NEBL: variants seen among roughly 807,000 people sequenced by gnomAD.
NEBL encodes nebulette.
Under a neutral mutation model 140.2 loss-of-function variants are expected in NEBL, and 122 were observed. The observed-to-expected ratio is 0.87, with a 90% CI of 0.75 to 1.01. NEBL has a LOEUF of 1.01. NEBL is among the 50% of genes least tolerant of loss of function. The probability of loss-of-function intolerance (pLI) is 0.00; values close to 1 mark genes in which losing one functional copy is unlikely to be tolerated. For synonymous variants in NEBL, 436 were observed against 398.9 expected, an observed-to-expected ratio of 1.09 and a Z score of -1.11; for missense variants, 1,365 against 1,231.3, an observed-to-expected ratio of 1.11 and a Z score of -1.62.
At chr10:20,888,315 T>A in intron 3 of NEBL, 108 bp from the exon 4 acceptor site, 1 of 727,910 alleles carries the variant, frequency 1.4e-6, no homozygotes, top group Non-Finnish European at 2.4e-6. Context: ...GAATTGATTT[T>A]AAAATCTGCA....
intron 2 of NEBL, among the ~76,000 whole-genome samples, chr10:21,113,561 G>A (rs945657421): frequency 7.9e-5 from 12 of 152,200 alleles, no homozygotes; most frequent in Middle Eastern, 3.4e-3. Context: ...TGTAACAGAT[G>A]ATATCTGGCT....
chr10:20,852,131 TG>T (rs1842604547), intron 10 of NEBL, among the ~76,000 whole-genome samples: 1 of 152,186 alleles, frequency 6.6e-6, no homozygotes, highest in Non-Finnish European at 1.5e-5. Flanking sequence ...TTAGTCATAT[TG>T]TATTCCCTTT....
At chr10:21,267,219 G>T (rs974521283) in intron 1 of NEBL, among the ~76,000 whole-genome samples, 9 of 151,994 alleles carry the variant, frequency 5.9e-5, no homozygotes, top group African/African-American at 1.9e-4. Context: ...CAGGTGATCC[G>T]CCCACCTCGG....
intron 3 of NEBL, among the ~76,000 whole-genome samples, chr10:21,214,341 T>C (rs1284354638): frequency 6.6e-6 from 1 of 152,116 alleles, no homozygotes; most frequent in Non-Finnish European, 1.5e-5. Flanking sequence ...AAGACACTAG[T>C]AAGCCTTTAT....
chr10:20,928,391 G>A (rs1331054879), intron 4 of NEBL, among the ~76,000 whole-genome samples: 1 of 152,156 alleles, frequency 6.6e-6, no homozygotes, highest in Non-Finnish European at 1.5e-5. Flanking sequence ...ATTACTCTGG[G>A]TCAGGCTATG....
intron 3 of NEBL, among the ~76,000 whole-genome samples, chr10:21,211,527 G>A (rs186458784): frequency 6.6e-6 from 1 of 151,950 alleles, no homozygotes; most frequent in Admixed American, 6.6e-5. Flanking sequence ...TTTTTCTCCT[G>A]AGTTAGCTGA....
At chr10:21,198,609 T>C (rs974285868) in intron 3 of NEBL, among the ~76,000 whole-genome samples, 1 of 152,208 alleles carries the variant, frequency 6.6e-6, no homozygotes, top group Non-Finnish European at 1.5e-5. Context: ...AGAAATCCCT[T>C]GGCCATTCTT....
chr10:21,164,691 T>G (rs978982566), intron 2 of NEBL, among the ~76,000 whole-genome samples: 1 of 152,178 alleles, frequency 6.6e-6, no homozygotes, highest in African/African-American at 2.4e-5. Context: ...TTCCCTACAA[T>G]GACTTAAAAG....
upstream of NEBL, among the ~76,000 whole-genome samples, chr10:20,899,184 A>C (rs1588976816): frequency 1.3e-5 from 2 of 152,170 alleles, no homozygotes; most frequent in Admixed American, 1.3e-4. Flanking sequence ...GACTATTCTA[A>C]TATTCTATAG....
intron 2 of NEBL, chr10:21,020,330 CT>C: frequency 1.3e-6 from 1 of 762,216 alleles, no homozygotes; most frequent in Non-Finnish European, 2.3e-6. Context: ...CTGAGCTTGG[CT>C]AAGGTCATCT....
At chr10:20,937,903 C>T (rs1834590800) in intron 4 of NEBL, among the ~76,000 whole-genome samples, 1 of 152,188 alleles carries the variant, frequency 6.6e-6, no homozygotes, top group Non-Finnish European at 1.5e-5. Context: ...GGGGCGCCCG[C>T]CATTGCCCAG....
chr10:20,951,280 A>G (rs577578649), intron 4 of NEBL, among the ~76,000 whole-genome samples: 56 of 152,210 alleles, frequency 3.7e-4, no homozygotes, highest in African/African-American at 1.2e-3. Context: ...AAATTTAGAT[A>G]TCTTTGTGCA....
chr10:20,969,179 G>T (rs891137291), intron 3 of NEBL, among the ~76,000 whole-genome samples: 1 of 151,968 alleles, frequency 6.6e-6, no homozygotes, highest in African/African-American at 2.4e-5. Context: ...TTTTTTTAAG[G>T]TGAAGTTAAT....
intron 1 of NEBL, among the ~76,000 whole-genome samples, chr10:21,285,357 C>T (rs1363527035): frequency 1.3e-5 from 2 of 152,182 alleles, no homozygotes; most frequent in Non-Finnish European, 2.9e-5. Flanking sequence ...GAGATAGATG[C>T]ATATCTGATG....
chr10:21,134,442 T>G (rs1187988059), intron 2 of NEBL, among the ~76,000 whole-genome samples: 1 of 152,230 alleles, frequency 6.6e-6, no homozygotes, highest in East Asian at 1.9e-4. Flanking sequence ...GGATTAATTC[T>G]CTTAGTCTCA....
At chr10:21,185,225 G>A (rs1219974086) in intron 3 of NEBL, among the ~76,000 whole-genome samples, 1 of 152,176 alleles carries the variant, frequency 6.6e-6, no homozygotes, top group Non-Finnish European at 1.5e-5. Context: ...GCAGCCGGCT[G>A]GTAACACCCA....
intron 1 of NEBL, among the ~76,000 whole-genome samples, chr10:21,271,373 C>T (rs10828228): frequency 1.3e-5 from 2 of 151,902 alleles, no homozygotes; most frequent in African/African-American, 2.4e-5. Flanking sequence ...TGGTTGCTAG[C>T]GGCTGGAGGG....
intron 2 of NEBL, among the ~76,000 whole-genome samples, chr10:21,050,639 C>T (rs191110518): frequency 2.6e-4 from 40 of 152,202 alleles, no homozygotes; most frequent in East Asian, 1.2e-3. Flanking sequence ...AATTTGACTG[C>T]GTAGATTCCA....
intron 1 of NEBL, among the ~76,000 whole-genome samples, chr10:21,273,097 C>T (rs1842878097): frequency 6.6e-6 from 1 of 152,128 alleles, no homozygotes; most frequent in African/African-American, 2.4e-5. Flanking sequence ...TTGGAGGTTC[C>T]ACATGATGAA....
Sources: allele counts gnomAD v4.1 joint callset (sites outside exome capture counted in the v4.1 genomes callset), GRCh38; gene constraint gnomAD v4.1.1; transcripts MANE v1.5; gene names NCBI Gene and HGNC (gene_info 2026-07-23, HGNC 2026-07-21).